FBXL17: variants seen among roughly 807,000 people sequenced by gnomAD.
FBXL17 encodes F-box and leucine rich repeat protein 17.
FBXL17 carries 22 observed loss-of-function variants against 66.2 expected under a neutral mutation model. The observed-to-expected ratio is 0.33, with a 90% confidence interval of 0.24 to 0.47. FBXL17 has a LOEUF of 0.47. FBXL17 is among the 20% of genes least tolerant of loss of function. The pLI, the probability that FBXL17 is intolerant of heterozygous loss-of-function variation, is 1.00. For missense variants in FBXL17, 878 were observed against 948.2 expected (o/e 0.93, Z 0.97); for synonymous variants, 474 against 400.5 (o/e 1.18, Z -2.19).
chr5:108,045,097 G>A (rs1286851245), intron 6 of FBXL17, among the ~76,000 whole-genome samples: 4 of 152,016 alleles, frequency 2.6e-5, no homozygotes, highest in African/African-American at 9.7e-5. Context: ...TGGCTTCATT[G>A]ACTTTGTTGT....
chr5:107,888,662 C>T (rs1749051826), intron 7 of FBXL17, among the ~76,000 whole-genome samples: 2 of 151,990 alleles, frequency 1.3e-5, no homozygotes. Context: ...TGAGATCCAT[C>T]CACGTTGTTA....
At chr5:108,344,890 G>C (rs1206877311) in intron 4 of FBXL17, among the ~76,000 whole-genome samples, 1 of 152,164 alleles carries the variant, frequency 6.6e-6, no homozygotes, top group African/African-American at 2.4e-5. Flanking sequence ...CAATATGCTA[G>C]ACCCTCACTA....
At chr5:108,088,337 GTTGAC>G (rs1303633054) in intron 6 of FBXL17, among the ~76,000 whole-genome samples, 1 of 152,096 alleles carries the variant, frequency 6.6e-6, no homozygotes, top group East Asian at 1.9e-4. Context: ...ATCTCTTTTT[GTTGAC>G]TTTTCTAAAG....
intron 6 of FBXL17, among the ~76,000 whole-genome samples, chr5:108,074,597 G>A (rs907333690): frequency 3.9e-5 from 6 of 151,972 alleles, no homozygotes; most frequent in African/African-American, 1.2e-4. Flanking sequence ...TACAGAGGAC[G>A]TCTAATGACT....
intron 5 of FBXL17, among the ~76,000 whole-genome samples, chr5:108,223,367 G>A (rs1210310152): frequency 6.6e-6 from 1 of 152,116 alleles, no homozygotes; most frequent in Admixed American, 6.5e-5. Flanking sequence ...AAGGTTGAAG[G>A]AAAAGGTTGC....
intron 7 of FBXL17, among the ~76,000 whole-genome samples, chr5:107,984,089 T>C (rs1020715709): frequency 6.6e-6 from 1 of 152,222 alleles, no homozygotes; most frequent in African/African-American, 2.4e-5. Context: ...AGGCAGACTA[T>C]CTAGTGAGCA....
chr5:108,283,189 G>T (rs1477082339), intron 4 of FBXL17, among the ~76,000 whole-genome samples: 1 of 151,804 alleles, frequency 6.6e-6, no homozygotes, highest in African/African-American at 2.4e-5. Flanking sequence ...AACTCAAATA[G>T]CCAAAGCAAT....
At position 108,098,414 on chromosome 5, in the gene FBXL17, T is replaced by A. The variant is rs141229892; in HGVS notation, c.1746-77413A>T. ...GGCTTTGATTTCACCTCCTTTCAAC[T>A]TTTTGGGTCAACTTGCCACAAAAAG... On this transcript the variant is annotated intron_variant, in intron 6 of 8. Transcript: ENST00000542267. Among the ~76,000 whole-genome samples, 529 of 152,232 alleles carry A rather than the reference T, an allele frequency of 3.5e-3. 2 individuals carry two copies. Among genetic ancestry groups the A allele is most frequent in the African/African-American group, 0.012 (511 of 41,540 alleles).
intron 7 of FBXL17, among the ~76,000 whole-genome samples, chr5:107,884,339 A>C (rs1194612935): frequency 6.6e-6 from 1 of 152,148 alleles, no homozygotes; most frequent in Non-Finnish European, 1.5e-5. Context: ...AGAGGTAAGA[A>C]AACAGAGGTT....
At chr5:108,305,870 A>T (rs181904512) in intron 4 of FBXL17, among the ~76,000 whole-genome samples, 1 of 152,272 alleles carries the variant, frequency 6.6e-6, no homozygotes, top group East Asian at 1.9e-4. Flanking sequence ...TAACAGTTTC[A>T]TAAAACAATG....
intron 4 of FBXL17, among the ~76,000 whole-genome samples, chr5:108,287,060 G>A (rs919825534): frequency 6.6e-6 from 1 of 151,912 alleles, no homozygotes; most frequent in African/African-American, 2.4e-5. Context: ...AATGGTGCTG[G>A]TTAGCCACAT....
intron 7 of FBXL17, among the ~76,000 whole-genome samples, chr5:108,016,482 G>C (rs1292580580): frequency 2.0e-5 from 3 of 152,168 alleles, no homozygotes; most frequent in Non-Finnish European, 4.4e-5. Flanking sequence ...AGGGCCCACA[G>C]GAGTGCTAAA....
At chr5:108,084,416 C>G (rs926130113) in intron 6 of FBXL17, among the ~76,000 whole-genome samples, 4 of 152,162 alleles carry the variant, frequency 2.6e-5, no homozygotes, top group Non-Finnish European at 5.9e-5. Flanking sequence ...TGAAACGGGG[C>G]TAGGAGCAGT....
intron 5 of FBXL17, among the ~76,000 whole-genome samples, chr5:108,195,350 C>G (rs1173324198): frequency 6.6e-6 from 1 of 152,046 alleles, no homozygotes; most frequent in African/African-American, 2.4e-5. Flanking sequence ...AAGGAGCAAA[C>G]AAAGCCAGGC....
At chr5:108,226,682 A>T (rs1409889673) in intron 4 of FBXL17, among the ~76,000 whole-genome samples, 1 of 152,162 alleles carries the variant, frequency 6.6e-6, no homozygotes, top group Non-Finnish European at 1.5e-5. Context: ...CAGTAGACTG[A>T]GTGAAGCAGA....
chr5:107,940,206 C>A (rs1452022007), intron 7 of FBXL17, among the ~76,000 whole-genome samples: 1 of 152,088 alleles, frequency 6.6e-6, no homozygotes, highest in Admixed American at 6.6e-5. Flanking sequence ...CGGAACCTAC[C>A]TACGGCTACA....
At chr5:108,189,807 G>C (rs1414078868) in intron 5 of FBXL17, among the ~76,000 whole-genome samples, 2 of 152,200 alleles carry the variant, frequency 1.3e-5, no homozygotes, top group African/African-American at 4.8e-5. Flanking sequence ...CAACTGTGCT[G>C]TGAAAAAGAC....
chr5:108,072,543 A>C (rs1031717875), intron 6 of FBXL17, among the ~76,000 whole-genome samples: 5 of 152,162 alleles, frequency 3.3e-5, no homozygotes, highest in African/African-American at 1.2e-4. Flanking sequence ...CTCTACTAAA[A>C]ATATTTTTAA....
intron 4 of FBXL17, among the ~76,000 whole-genome samples, chr5:108,338,970 G>A (rs527423774): frequency 4.0e-4 from 61 of 152,216 alleles, no homozygotes; most frequent in Non-Finnish European, 7.9e-4. Flanking sequence ...CCTGAAGACA[G>A]GGTTACCTGA....
Sources: gnomAD v4.1 joint callset for allele counts (sites outside exome capture counted in the v4.1 genomes callset) on GRCh38, gnomAD v4.1.1 for gene constraint, MANE v1.5 for transcripts, NCBI Gene and HGNC (gene_info 2026-07-23, HGNC 2026-07-21) for gene names.